Variants in SPTBN1 observed in about 807,000 individuals in gnomAD.
The protein encoded by SPTBN1 is spectrin beta chain, non-erythrocytic 1.
A neutral mutation model predicts 266.4 loss-of-function variants in SPTBN1; 32 were observed. The ratio of observed to expected loss-of-function variants is 0.12; its 90% confidence interval spans 0.09 to 0.16. The LOEUF is 0.16. SPTBN1 is among the 10% of genes least tolerant of loss of function. The pLI, the probability that SPTBN1 is intolerant of heterozygous loss-of-function variation, is 1.00. For synonymous variants in SPTBN1, 1,336 were observed against 1,162.2 expected, an observed-to-expected ratio of 1.15 and a Z score of -3.04; for missense variants, 2,296 against 3,067.1, an observed-to-expected ratio of 0.75 and a Z score of 5.94.
At chr2:54,566,568 T>C (rs1302130785) in intron 2 of SPTBN1, among the ~76,000 whole-genome samples, 1 of 152,092 alleles carries the variant, frequency 6.6e-6, no homozygotes, top group Non-Finnish European at 1.5e-5. Context: ...CAGTGTCTCA[T>C]GTCTGTAATA....
chr2:54,573,302 T>C (rs1469503772), intron 2 of SPTBN1, among the ~76,000 whole-genome samples: 1 of 152,156 alleles, frequency 6.6e-6, no homozygotes, highest in Non-Finnish European at 1.5e-5. Context: ...GGAGTTGGTT[T>C]CGTGATGAAA....
chr2:54,610,240 A>G (rs6724136), intron 3 of SPTBN1, among the ~76,000 whole-genome samples: 37,401 of 152,068 alleles, frequency 0.25, 5,456 homozygotes, highest in African/African-American at 0.41. Flanking sequence ...GGGCTACCCA[A>G]TTAAAAATTA....
At chr2:54,633,645 T>A (rs1438201091) in intron 17 of SPTBN1, among the ~76,000 whole-genome samples, 2 of 152,226 alleles carry the variant, frequency 1.3e-5, no homozygotes, top group Admixed American at 1.3e-4. Flanking sequence ...TGGGTTGAAT[T>A]TAAGGGCTTG....
At chr2:54,660,792 T>G (rs1680981874) in intron 32 of SPTBN1, 1 of 985,282 alleles carries the variant, frequency 1.0e-6, no homozygotes, top group Non-Finnish European at 1.2e-6. Flanking sequence ...AGGAGTAAAG[T>G]GCCCGCTGAC....
intron 1 of SPTBN1, among the ~76,000 whole-genome samples, chr2:54,458,683 G>A (rs554528113): frequency 6.6e-6 from 1 of 152,288 alleles, no homozygotes; most frequent in African/African-American, 2.4e-5. Flanking sequence ...AGGACACAGG[G>A]AATTTCCCTT....
chr2:54,650,025 CT>C, intron 26 of SPTBN1, 36 bp downstream of exon 26: 3 of 1,569,744 alleles, frequency 1.9e-6, no homozygotes, highest in Admixed American at 1.8e-5. Flanking sequence ...GCTGGGGAGG[CT>C]TTTTCTCCAT....
chr2:54,598,071 CAACCTATGTTTA>C (rs1368106994), intron 2 of SPTBN1, among the ~76,000 whole-genome samples: 1 of 152,066 alleles, frequency 6.6e-6, no homozygotes, highest in Admixed American at 6.5e-5. Flanking sequence ...AGGTCTTCAG[CAACCTATGTTTA>C]GAACATTCTG....
rs747959077 is a variant in SPTBN1 at position 54,618,058 on chromosome 2, C to A, written c.648-20C>A. The A allele has an allele frequency of 6.3e-7, 1 of 1,583,286 alleles. No individual in the cohort carries two copies. The highest frequency in any genetic ancestry group is 1.8e-5 in the Admixed American group (1 of 57,142). On this transcript the variant is annotated intron_variant, in intron 6 of 35. Transcript: ENST00000356805. ...TTTCAAGCCATGATTTTTGTTGTGT[C>A]CCACTGTTGTTCTGCACAGGCCTGA...
chr2:54,539,136 G>C (rs1327829282), intron 2 of SPTBN1, among the ~76,000 whole-genome samples: 1 of 152,160 alleles, frequency 6.6e-6, no homozygotes. Flanking sequence ...CCCTCCAGCT[G>C]ATGACTAAAT....
At chr2:54,598,305 G>A (rs1011306859) in intron 2 of SPTBN1, among the ~76,000 whole-genome samples, 1 of 152,214 alleles carries the variant, frequency 6.6e-6, no homozygotes, top group Non-Finnish European at 1.5e-5. Context: ...ATCACAGTAT[G>A]GAGATTATAT....
At chr2:54,477,129 A>G (rs150397308) in intron 1 of SPTBN1, among the ~76,000 whole-genome samples, 10 of 152,294 alleles carry the variant, frequency 6.6e-5, no homozygotes, top group Non-Finnish European at 1.2e-4. Flanking sequence ...GATAAGAAAC[A>G]GAGAGATAAC....
At chr2:54,663,229 G>A (rs1401229862) in intron 32 of SPTBN1, 1 of 152,240 alleles carries the variant, frequency 6.6e-6, no homozygotes, top group African/African-American at 2.4e-5. Context: ...ATCTTGTCAA[G>A]GTTGTTACTG....
At position 54,669,111 on chromosome 2, in the gene SPTBN1, T is replaced by C. The variant is rs1681576910; in HGVS notation, c.*542T>C. On this transcript the variant is annotated 3_prime_UTR_variant, in exon 36 of 36. Coordinates refer to ENST00000356805, the MANE Select transcript of SPTBN1 (RefSeq NM_003128.3). The stretch of plus-strand genomic sequence containing the variant: ...CACATTAACTCTACAGACCAAACCA[T>C]TTGTATCTGGCATCACTTACTAACA... The C allele has an allele frequency of 6.5e-6, 1 of 154,276 alleles. No homozygotes were observed. The highest frequency in any genetic ancestry group is 1.4e-5 in the Non-Finnish European group (1 of 69,348). The allele number at this position is 154,276 out of a possible 1,614,324, so 9.6% of individuals were successfully genotyped here.
intron 3 of SPTBN1, among the ~76,000 whole-genome samples, chr2:54,610,855 A>G (rs1286584822): frequency 3.3e-5 from 5 of 152,214 alleles, no homozygotes; most frequent in Admixed American, 3.3e-4. Flanking sequence ...TGCACTAGAC[A>G]CTGTGAAAAA....
chr2:54,597,030 G>T (rs180839613), intron 2 of SPTBN1, among the ~76,000 whole-genome samples: 2 of 152,178 alleles, frequency 1.3e-5, no homozygotes, highest in Non-Finnish European at 2.9e-5. Context: ...AACACATTTT[G>T]TGCTTGTTTA....
intron 32 of SPTBN1, chr2:54,661,135 T>C (rs1681015134): frequency 2.0e-6 from 2 of 985,332 alleles, no homozygotes; most frequent in African/African-American, 1.7e-5. Context: ...TTGTTCATTT[T>C]CTCAAGACTT....
chr2:54,660,819 G>C (rs1006156215), intron 32 of SPTBN1: 1 of 985,334 alleles, frequency 1.0e-6, no homozygotes, highest in East Asian at 1.1e-4. Flanking sequence ...CGCCACCTCT[G>C]TCTCGCTCCC....
chr2:54,522,771 G>A (rs560939949), intron 1 of SPTBN1, among the ~76,000 whole-genome samples: 10 of 152,218 alleles, frequency 6.6e-5, no homozygotes, highest in African/African-American at 2.4e-4. Flanking sequence ...GTGATAGAAA[G>A]AGAGATTCGC....
chr2:54,655,320 A>G, intron 28 of SPTBN1, 112 bp downstream of exon 28: 3 of 1,365,444 alleles, frequency 2.2e-6, no homozygotes, highest in Non-Finnish European at 3.0e-6. Context: ...ATACACACAC[A>G]CATATGTTTT....
Sources: gnomAD v4.1 joint callset for allele counts (sites outside exome capture counted in the v4.1 genomes callset) on GRCh38, gnomAD v4.1.1 for gene constraint, MANE v1.5 for transcripts, NCBI Gene and HGNC (gene_info 2026-07-23, HGNC 2026-07-21) for gene names.